The following SOX5 variants were observed in gnomAD, a reference collection of about 807,000 sequenced individuals.
SOX5 encodes SRY-box transcription factor 5, also known as transcription factor SOX-5.
Under a neutral mutation model 92.0 loss-of-function variants are expected in SOX5, and 9 were observed. That is an observed-to-expected ratio of 0.10 (90% confidence interval 0.06 to 0.17). The LOEUF (loss-of-function observed/expected upper bound fraction) is 0.17, where lower values mean the gene tolerates loss of function less well. Among genes scored for constraint, SOX5 ranks in the 10% least tolerant of loss-of-function variants. SOX5 has a pLI of 1.00. For missense variants in SOX5, 642 were observed against 944.5 expected, an observed-to-expected ratio of 0.68 and a Z score of 4.20; for synonymous variants, 344 against 336.3, an observed-to-expected ratio of 1.02 and a Z score of -0.25.
chr12:24,027,837 C>T (rs932982485), intron 4 of SOX5, among the ~76,000 whole-genome samples: 5 of 151,902 alleles, frequency 3.3e-5, no homozygotes, highest in African/African-American at 4.8e-5. Context: ...TTCTCCACCC[C>T]GCATTCAGAG....
intron 7 of SOX5, among the ~76,000 whole-genome samples, chr12:23,643,901 G>C (rs368054241): frequency 4.1e-4 from 63 of 152,200 alleles, no homozygotes; most frequent in African/African-American, 1.5e-3. Flanking sequence ...AGGAGCATTA[G>C]CATCACCTGG....
chr12:23,774,058 A>T (rs1436958869), intron 3 of SOX5, among the ~76,000 whole-genome samples: 6 of 152,130 alleles, frequency 3.9e-5, no homozygotes, highest in Non-Finnish European at 7.4e-5. Flanking sequence ...CTCGCCTTAC[A>T]GAGAGAAAAA....
chr12:23,932,439 G>A (rs1164849814), intron 1 of SOX5, among the ~76,000 whole-genome samples: 1 of 151,552 alleles, frequency 6.6e-6, no homozygotes, highest in East Asian at 1.9e-4. Context: ...ATGTGAATAT[G>A]AACTGTATGT....
intron 3 of SOX5, chr12:24,237,764 G>A (rs1354367237): frequency 6.6e-6 from 1 of 151,960 alleles, no homozygotes; most frequent in Non-Finnish European, 1.5e-5. Context: ...TACATATATA[G>A]CCTATGGAAG....
At chr12:24,050,281 AT>A (rs1252387318) in intron 4 of SOX5, among the ~76,000 whole-genome samples, 1 of 152,046 alleles carries the variant, frequency 6.6e-6, no homozygotes, top group East Asian at 1.9e-4. Flanking sequence ...TAGGTTTTTC[AT>A]TTTTTTGTAC....
chr12:24,059,607 T>TG (rs1939272408), intron 4 of SOX5, among the ~76,000 whole-genome samples: 1 of 152,114 alleles, frequency 6.6e-6, no homozygotes, highest in Admixed American at 6.5e-5. Flanking sequence ...TGATGGGGAA[T>TG]GGCATGTTGC....
intron 4 of SOX5, among the ~76,000 whole-genome samples, chr12:23,995,601 G>A (rs1230778780): frequency 6.6e-6 from 1 of 152,160 alleles, no homozygotes; most frequent in Non-Finnish European, 1.5e-5. Flanking sequence ...GAAAGGCTAA[G>A]GAGGGAGAAT....
intron 9 of SOX5, among the ~76,000 whole-genome samples, chr12:23,581,074 A>T (rs1481235651): frequency 6.6e-6 from 1 of 152,084 alleles, no homozygotes; most frequent in Non-Finnish European, 1.5e-5. Flanking sequence ...ATAATTTTAT[A>T]ATGTACAAAT....
At chr12:23,668,853 G>C (rs2084287591) in intron 6 of SOX5, among the ~76,000 whole-genome samples, 1 of 152,086 alleles carries the variant, frequency 6.6e-6, no homozygotes, top group African/African-American at 2.4e-5. Flanking sequence ...TAGTCTCTAA[G>C]ATGTTATGAA....
At chr12:23,827,278 T>C (rs1396295168) in intron 3 of SOX5, among the ~76,000 whole-genome samples, 1 of 152,246 alleles carries the variant, frequency 6.6e-6, no homozygotes, top group Non-Finnish European at 1.5e-5. Flanking sequence ...CTATCATGTT[T>C]CATAATCACC....
intron 9 of SOX5, among the ~76,000 whole-genome samples, chr12:23,577,806 T>A (rs902927207): frequency 6.6e-6 from 1 of 151,834 alleles, no homozygotes; most frequent in Admixed American, 6.6e-5. Flanking sequence ...TTTGGAGAAG[T>A]TTACTTTAGC....
chr12:24,031,985 A>G (rs1326835540), intron 4 of SOX5, among the ~76,000 whole-genome samples: 2 of 151,970 alleles, frequency 1.3e-5, no homozygotes, highest in Non-Finnish European at 2.9e-5. Flanking sequence ...AATATTGAAT[A>G]TAAACCGGAA....
chr12:23,584,525 G>A (rs1468141785), intron 9 of SOX5: 7 of 1,541,218 alleles, frequency 4.5e-6, no homozygotes, highest in Non-Finnish European at 4.5e-6. Context: ...ACATCAAAGA[G>A]TCATTCCCAG....
intron 1 of SOX5, among the ~76,000 whole-genome samples, chr12:24,409,527 G>T (rs1963668982): frequency 6.6e-6 from 1 of 151,948 alleles, no homozygotes; most frequent in Admixed American, 6.6e-5. Context: ...ACAGGTTTTT[G>T]TGTGAAAATG....
At chr12:24,432,617 T>C (rs1488405455) in intron 1 of SOX5, among the ~76,000 whole-genome samples, 1 of 152,002 alleles carries the variant, frequency 6.6e-6, no homozygotes, top group Non-Finnish European at 1.5e-5. Flanking sequence ...ATCGAGACCA[T>C]CCTGGCCAAC....
At chr12:23,748,793 C>CAA (rs2094085860) in intron 4 of SOX5, among the ~76,000 whole-genome samples, 1 of 151,904 alleles carries the variant, frequency 6.6e-6, no homozygotes, top group Non-Finnish European at 1.5e-5. Flanking sequence ...TCACTTTCAA[C>CAA]TGGTATTCCA....
intron 1 of SOX5, among the ~76,000 whole-genome samples, chr12:24,491,367 T>C (rs1309733065): frequency 6.6e-6 from 1 of 152,140 alleles, no homozygotes; most frequent in Non-Finnish European, 1.5e-5. Flanking sequence ...CAGGGTATTT[T>C]AACCTCTTTT....
intron 1 of SOX5, chr12:24,368,730 G>A (rs888952515): frequency 3.9e-5 from 6 of 152,124 alleles, no homozygotes; most frequent in African/African-American, 1.4e-4. Context: ...TGAATTCAAC[G>A]AAGTAACCAT....
chr12:24,145,314 G>C (rs2088586), intron 4 of SOX5, among the ~76,000 whole-genome samples: 120,754 of 152,076 alleles, frequency 0.79, 48,216 homozygotes, highest in East Asian at 0.99. Flanking sequence ...ACAAATGCAA[G>C]ATGGTAGATT....
Sources: gnomAD v4.1 joint callset for allele counts (sites outside exome capture counted in the v4.1 genomes callset) on GRCh38, gnomAD v4.1.1 for gene constraint, MANE v1.5 for transcripts, NCBI Gene and HGNC (gene_info 2026-07-23, HGNC 2026-07-21) for gene names.